KIF7: variants seen among roughly 807,000 people sequenced by gnomAD.
The protein encoded by KIF7 is kinesin family member 7, also known as kinesin-like protein KIF7.
KIF7 carries 104 observed loss-of-function variants against 135.7 expected under a neutral mutation model. The observed-to-expected ratio is 0.77, with a 90% CI of 0.65 to 0.90. The LOEUF (loss-of-function observed/expected upper bound fraction) is 0.90, where lower values mean the gene tolerates loss of function less well. Ranked by LOEUF, KIF7 falls within the 40% of genes least tolerant of loss-of-function variation. The probability of loss-of-function intolerance (pLI) is 0.00; values close to 1 mark genes in which losing one functional copy is unlikely to be tolerated. For synonymous variants in KIF7, 883 were observed against 809.4 expected (o/e 1.09, Z -1.54); for missense variants, 2,005 against 1,839.1 (o/e 1.09, Z -1.65).
At chr15:89,626,207 C>T (rs1416824383), downstream of KIF7, 6 of 822,868 alleles carry the variant, frequency 7.3e-6, no homozygotes, top group African/African-American at 1.1e-4. Flanking sequence ...CATGTGTGCC[C>T]TTCCCAGAGA....
upstream of KIF7, chr15:89,655,556 C>G (rs546029518): frequency 2.0e-5 from 3 of 152,212 alleles, no homozygotes; most frequent in East Asian, 3.9e-4. Context: ...AGGCGCGAGC[C>G]GGTCGGCGTC....
intron 17 of KIF7, 39 bp downstream of exon 17, chr15:89,629,336 A>T: frequency 1.5e-6 from 1 of 667,524 alleles, no homozygotes; most frequent in Non-Finnish European, 1.8e-6. Flanking sequence ...GGGGGGATGG[A>T]GGGGGCCGGG....
chr15:89,643,079 A>C (rs1371507251), intron 10 of KIF7, among the ~76,000 whole-genome samples: 5 of 103,324 alleles, frequency 4.8e-5, no homozygotes, highest in African/African-American at 1.7e-4. Context: ...ACAAACCCCA[A>C]ACGTGGGGTT....
intron 11 of KIF7, among the ~76,000 whole-genome samples, chr15:89,640,649 G>C (rs1296697064): frequency 1.3e-5 from 2 of 151,936 alleles, no homozygotes; most frequent in African/African-American, 4.8e-5. Flanking sequence ...TGGAAGGGTG[G>C]GAGGGACAGA....
chr15:89,642,222 G>T lies in KIF7; in HGVS notation c.2375C>A (p.Ala792Glu), dbSNP rs375985448. 2.5e-6 allele frequency: 4 copies of T among 1,610,134 alleles called. No homozygotes were observed. The highest frequency in any genetic ancestry group is 3.4e-6 in the Non-Finnish European group (4 of 1,179,592). Residue 792 changes from alanine (A) to glutamate (E), a missense_variant, in exon 11 of 19, where the codon GCG becomes GAG. Ala to Glu is a moderately radical substitution (Grantham distance 107). Coordinates refer to ENST00000394412, the MANE Select transcript of KIF7 (RefSeq NM_198525.3). The stretch of plus-strand genomic sequence containing the variant: ...ACTAACCTGCACCTGGCTCTGGGCC[G>T]CAGCGACCCTCCTGCGGAACTCCTG... ...RLQEFRRRVA[A>E]AQSQVQVLKE... is the part of the protein sequence containing the mutation.
At chr15:89,659,619 T>G (rs1046839630), upstream of KIF7, among the ~76,000 whole-genome samples, 1 of 152,176 alleles carries the variant, frequency 6.6e-6, no homozygotes, top group Non-Finnish European at 1.5e-5. Context: ...ATGTTCAATA[T>G]CATTGCTAAT....
At chr15:89,651,022 C>T (rs1964114636) in intron 2 of KIF7, among the ~76,000 whole-genome samples, 1 of 151,922 alleles carries the variant, frequency 6.6e-6, no homozygotes, top group African/African-American at 2.4e-5. Flanking sequence ...ACTTCTGCCT[C>T]CTGGGTTCAA....
At chr15:89,626,928 C>CA (rs1963538932), downstream of KIF7, 4 of 1,607,960 alleles carry the variant, frequency 2.5e-6, no homozygotes, top group Non-Finnish European at 3.4e-6. Context: ...GTGACTCCTG[C>CA]ATGCTAAGCC....
rs748845614 is a variant in KIF7 at position 89,647,165 on chromosome 15, A to G, written c.1561-108T>C. 5.2e-6 allele frequency: 5 copies of G among 962,516 alleles called. No homozygotes were observed. In the Admixed American group the frequency reaches 1.0e-4, roughly 19 times the overall value. 59.6% of individuals were successfully genotyped at this position (962,516 alleles called of 1,614,324 possible). On this transcript the variant is annotated intron_variant, in intron 6 of 18. Coordinates refer to ENST00000394412, the MANE Select transcript of KIF7 (RefSeq NM_198525.3). ...CCACTCCACCGTCTCTGGGCTGAAA[A>G]TGAGGAGTGTCAAATACTCCTCTCC...
In KIF7 at chr15:89,648,358, A is replaced by G; in HGVS notation, c.1340T>C (p.Val447Ala). 7.0e-7 allele frequency: 1 copy of G among 1,421,946 alleles called. No homozygotes were observed. Among genetic ancestry groups the G allele is most frequent in the Non-Finnish European group, 9.2e-7 (1 of 1,084,608 alleles). The allele number at this position is 1,421,946 out of a possible 1,614,324, so 88.1% of individuals were successfully genotyped here. Residue 447 changes from valine (V) to alanine (A), a missense_variant, in exon 5 of 19, where the codon GTC becomes GCC. Transcript: ENST00000394412. ...ARKVRDWLCA[V>A]EGERSALSSA... ...GCTCAGGGCGCTGCGCTCGCCCTCG[A>G]CGGCGCACAGCCAGTCGCGCACCTT...
rs1964068231 is a variant in KIF7, at chr15:89,648,760, G to A, written c.938C>T (p.Ser313Leu). Residue 313 changes from serine (S) to leucine (L), a missense_variant, in exon 5 of 19, where the codon TCG (serine) becomes TTG (leucine). Ser to Leu is a moderately radical substitution (Grantham distance 145). Coordinates refer to ENST00000394412, the MANE Select transcript of KIF7 (RefSeq NM_198525.3). ...CACCGTCTTGGCGTTCCCGCCCAGC[G>A]AGTCTTTGAGGATCCTGAGGGCGCG... ...DSKITRILKD[S>L]LGGNAKTVMI... 6.5e-7 allele frequency: 1 copy of A among 1,534,732 alleles called. No homozygotes were observed. The highest frequency in any genetic ancestry group is 2.0e-5 in the Admixed American group (1 of 50,912).
At chr15:89,647,079 C>T (rs1311516631) in intron 6 of KIF7, 22 bp from the exon 7 acceptor site, 17 of 1,555,068 alleles carry the variant, frequency 1.1e-5, no homozygotes, top group African/African-American at 4.1e-5. Context: ...GGTCCAGGTG[C>T]CAAGGGGGCA....
At chr15:89,647,187 C>CATTT in intron 6 of KIF7, 130 bp from the exon 7 acceptor site, 1 of 773,412 alleles carries the variant, frequency 1.3e-6, no homozygotes, top group Non-Finnish European at 2.2e-6. Context: ...AAATACTCCT[C>CATTT]TCCTCCCCAA....
intron 11 of KIF7, among the ~76,000 whole-genome samples, chr15:89,634,731 G>C (rs549374859): frequency 1.3e-5 from 2 of 152,230 alleles, no homozygotes; most frequent in Non-Finnish European, 2.9e-5. Flanking sequence ...AAACTGCAAG[G>C]TGGCAGCGAG....
chr15:89,620,847 T>G (rs1371120367), intron 1 of KIF7, among the ~76,000 whole-genome samples: 1 of 151,618 alleles, frequency 6.6e-6, no homozygotes, highest in East Asian at 1.9e-4. Flanking sequence ...CTCAGCCTCC[T>G]GAGTAGCTGG....
rs1208805083 is a variant in KIF7, at chr15:89,648,540, G to T, written c.1158C>A (p.His386Gln). Residue 386 changes from histidine (H) to glutamine (Q), a missense_variant, in exon 5 of 19, where the codon CAC becomes CAA. Physicochemically the swap from His to Gln is conservative, Grantham distance 24. Coordinates refer to ENST00000394412, the MANE Select transcript of KIF7 (RefSeq NM_198525.3). Reference sequence around the variant, plus strand: ...CTGGGCCTGGGGCGCGCCGGCCGCGGTGGATGATGCGGGTCTCGGAGCGGT... The same window carrying T: ...CTGGGCCTGGGGCGCGCCGGCCGCGTTGGATGATGCGGGTCTCGGAGCGGT... ...PRHRSETRII[H>Q]RGRRAPGPAT... 24 of 1,276,462 alleles carry T rather than the reference G, an allele frequency of 1.9e-5. No homozygotes were observed. Among genetic ancestry groups the T allele is most frequent in the Middle Eastern group, 2.7e-4 (1 of 3,748 alleles). The allele number at this position is 1,276,462 out of a possible 1,614,324, so 79.1% of individuals were successfully genotyped here.
chr15:89,640,688 T>TA (rs1042891611), intron 11 of KIF7, among the ~76,000 whole-genome samples: 10 of 151,690 alleles, frequency 6.6e-5, no homozygotes, highest in Non-Finnish European at 8.8e-5. Context: ...CATATGAAGG[T>TA]AAAAAAATAG....
intron 1 of KIF7, among the ~76,000 whole-genome samples, chr15:89,653,767 TATTA>T: frequency 6.6e-6 from 1 of 150,714 alleles, no homozygotes; most frequent in East Asian, 1.9e-4. Context: ...TTAGTATTAG[TATTA>T]GTATTAGTAT....
chr15:89,625,899 C>T (rs755532004), downstream of KIF7: 19 of 1,544,624 alleles, frequency 1.2e-5, no homozygotes, highest in East Asian at 4.0e-4. Flanking sequence ...GGTTGGGGGT[C>T]TGGGGACGCT....
Sources: gnomAD v4.1 joint callset for allele counts (sites outside exome capture counted in the v4.1 genomes callset) on GRCh38, gnomAD v4.1.1 for gene constraint, MANE v1.5 for transcripts, NCBI Gene and HGNC (gene_info 2026-07-23, HGNC 2026-07-21) for gene names.